Variants in PHF21B observed in about 807,000 individuals in gnomAD.
PHF21B encodes the protein PHD finger protein 4.
PHF21B carries 22 observed loss-of-function variants against 62.2 expected under a neutral mutation model. The ratio of observed to expected loss-of-function variants is 0.35; its 90% CI spans 0.25 to 0.51. PHF21B has a LOEUF of 0.51. PHF21B is among the 20% of genes least tolerant of loss of function. The pLI is 0.97. For synonymous variants in PHF21B, 341 were observed against 314.7 expected, an observed-to-expected ratio of 1.08 and a Z score of -0.88; for missense variants, 701 against 707.9, an observed-to-expected ratio of 0.99 and a Z score of 0.11.
chr22:44,919,010 C>T (rs1386625335), intron 3 of PHF21B, among the ~76,000 whole-genome samples: 7 of 152,192 alleles, frequency 4.6e-5, no homozygotes, highest in Non-Finnish European at 1.5e-5. Flanking sequence ...TGGTCTCTCC[C>T]TACCACCTCT....
intron 2 of PHF21B, among the ~76,000 whole-genome samples, chr22:44,954,814 G>A (rs1043503460): frequency 1.3e-5 from 2 of 152,194 alleles, no homozygotes; most frequent in Non-Finnish European, 2.9e-5. Context: ...GAGTGGTCTG[G>A]CCCCGCTGGA....
chr22:44,884,211 G>A (rs117955746), intron 12 of PHF21B, among the ~76,000 whole-genome samples: 2,745 of 55,122 alleles, frequency 0.05, 1 homozygote, highest in South Asian at 0.065. Context: ...GATCACCAAC[G>A]TCACCACCAC....
intron 11 of PHF21B, 100 bp downstream of exon 11, chr22:44,885,763 T>C: frequency 1.6e-6 from 2 of 1,276,486 alleles, no homozygotes; most frequent in Non-Finnish European, 2.2e-6. Context: ...CTGAAGGGAA[T>C]GGACCCACCT....
chr22:45,006,263 G>T (rs1282615953), intron 2 of PHF21B, among the ~76,000 whole-genome samples: 1 of 152,160 alleles, frequency 6.6e-6, no homozygotes, highest in Non-Finnish European at 1.5e-5. Flanking sequence ...AAGTTCCAAT[G>T]GCCAGGCCAA....
At chr22:44,951,308 T>G (rs985961613) in intron 2 of PHF21B, among the ~76,000 whole-genome samples, 1 of 151,910 alleles carries the variant, frequency 6.6e-6, no homozygotes, top group Non-Finnish European at 1.5e-5. Flanking sequence ...GCATGCAGAG[T>G]TCACAATAGG....
chr22:44,948,725 C>T (rs1242945440), intron 2 of PHF21B, among the ~76,000 whole-genome samples: 2 of 151,954 alleles, frequency 1.3e-5, no homozygotes, highest in African/African-American at 4.8e-5. Flanking sequence ...AGAGAAAACC[C>T]GGCTTCACAA....
chr22:44,903,146 C>G (rs2071190643), intron 5 of PHF21B, among the ~76,000 whole-genome samples: 1 of 152,206 alleles, frequency 6.6e-6, no homozygotes, highest in Non-Finnish European at 1.5e-5. Flanking sequence ...CAACACCAAG[C>G]ACTCCCTCCT....
At chr22:44,884,569 T>TTAC (rs57605421) in intron 12 of PHF21B, among the ~76,000 whole-genome samples, 68,277 of 146,934 alleles carry the variant, frequency 0.46, 16,656 homozygotes, top group Non-Finnish European at 0.53. Context: ...ATCGCCATTA[T>TTAC]CACCATCACT....
At chr22:45,001,286 C>T (rs1843260198) in intron 2 of PHF21B, 1 of 152,310 alleles carries the variant, frequency 6.6e-6, no homozygotes, top group Admixed American at 6.5e-5. Context: ...CCAGGATTAT[C>T]CTGACAATCA....
rs1458557416 is a variant in PHF21B at position 44,893,473 on chromosome 22, C to T, written c.944G>A (p.Gly315Asp). 1 of 1,600,616 alleles carries T rather than the reference C, an allele frequency of 6.2e-7. No homozygotes were observed. The highest frequency in any genetic ancestry group is 1.7e-5 in the Admixed American group (1 of 58,400). Residue 315 changes from glycine (G) to aspartate (D), a missense_variant, in exon 7 of 13, where the codon GGC becomes GAC. Transcript: ENST00000313237. Reference sequence around the variant, plus strand: ...GTTCCCCACCTCGGTCTCCAGGAGGCCGCTGTAGGCAGGGTTGGCTGTGCT... The same window carrying T: ...GTTCCCCACCTCGGTCTCCAGGAGGTCGCTGTAGGCAGGGTTGGCTGTGCT... ...RRSTANPAYS[G>D]LLETERKRLA...
chr22:44,928,034 G>A (rs943473994), intron 2 of PHF21B, among the ~76,000 whole-genome samples: 1 of 152,174 alleles, frequency 6.6e-6, no homozygotes, highest in Non-Finnish European at 1.5e-5. Context: ...AGGTGTTGGT[G>A]CAGACCCTAC....
At chr22:44,986,554 C>T (rs963733927) in intron 2 of PHF21B, among the ~76,000 whole-genome samples, 2 of 147,092 alleles carry the variant, frequency 1.4e-5, no homozygotes, top group African/African-American at 5.1e-5. Flanking sequence ...AAGGGCAACC[C>T]AAGCAGGATA....
intron 2 of PHF21B, among the ~76,000 whole-genome samples, chr22:44,978,803 C>A (rs1205005753): frequency 1.3e-5 from 2 of 152,244 alleles, no homozygotes; most frequent in Non-Finnish European, 2.9e-5. Flanking sequence ...CTCCCATAGG[C>A]GAAGGCTGTT....
At chr22:44,920,622 AT>A (rs112468799) in intron 2 of PHF21B, 132 bp from the exon 3 acceptor site, 4 of 523,668 alleles carry the variant, frequency 7.6e-6, no homozygotes, top group Non-Finnish European at 1.4e-5. Context: ...CTTAATTATG[AT>A]TTTTAAAAAA....
At chr22:44,925,941 G>A (rs966942401) in intron 2 of PHF21B, among the ~76,000 whole-genome samples, 15 of 152,246 alleles carry the variant, frequency 9.9e-5, no homozygotes, top group African/African-American at 2.9e-4. Context: ...CTGTGGGGGC[G>A]GGAGGCAAGC....
intron 2 of PHF21B, among the ~76,000 whole-genome samples, chr22:44,933,063 T>G (rs537141094): frequency 6.6e-6 from 1 of 151,884 alleles, no homozygotes; most frequent in Non-Finnish European, 1.5e-5. Context: ...TCTGGTTGGA[T>G]TGGCAAATGC....
At chr22:44,887,817 T>A in intron 10 of PHF21B, 146 bp downstream of exon 10, 2 of 770,966 alleles carry the variant, frequency 2.6e-6, no homozygotes, top group African/African-American at 1.8e-5. Flanking sequence ...CCAAGGATTA[T>A]CCAGCCCCAA....
chr22:44,915,299 G>A (rs1369757080), intron 4 of PHF21B, among the ~76,000 whole-genome samples: 1 of 152,236 alleles, frequency 6.6e-6, no homozygotes, highest in Non-Finnish European at 1.5e-5. Context: ...GAAAAACACT[G>A]AAGCTTAACA....
chr22:44,961,227 T>A (rs1053233808), intron 2 of PHF21B, among the ~76,000 whole-genome samples: 1 of 152,214 alleles, frequency 6.6e-6, no homozygotes, highest in African/African-American at 2.4e-5. Flanking sequence ...AGTGCTGGGA[T>A]TACAGGCATG....
Sources: gnomAD v4.1 joint callset for allele counts (sites outside exome capture counted in the v4.1 genomes callset) on GRCh38, gnomAD v4.1.1 for gene constraint, MANE v1.5 for transcripts, NCBI Gene and HGNC (gene_info 2026-07-23, HGNC 2026-07-21) for gene names.